TRIM24: variants seen among roughly 807,000 people sequenced by gnomAD.
TRIM24 encodes transcription intermediary factor 1-alpha.
A neutral mutation model predicts 123.9 loss-of-function variants in TRIM24; 29 were observed. The ratio of observed to expected loss-of-function variants is 0.23; its 90% confidence interval spans 0.17 to 0.32. TRIM24 has a LOEUF of 0.32. Among genes scored for constraint, TRIM24 ranks in the 10% least tolerant of loss-of-function variants. The pLI is 1.00. For synonymous variants in TRIM24, 456 were observed against 461.1 expected, an observed-to-expected ratio of 0.99 and a Z score of 0.14; for missense variants, 932 against 1,295.3, an observed-to-expected ratio of 0.72 and a Z score of 4.31.
At chr7:138,572,062 A>G (rs1208548248) in intron 11 of TRIM24, among the ~76,000 whole-genome samples, 1 of 152,210 alleles carries the variant, frequency 6.6e-6, no homozygotes. Context: ...AATTACCTAT[A>G]AGATTGTGAA....
chr7:138,517,628 G>C (rs1393779788), intron 3 of TRIM24, among the ~76,000 whole-genome samples: 1 of 151,944 alleles, frequency 6.6e-6, no homozygotes, highest in East Asian at 1.9e-4. Flanking sequence ...CCCGCCTTGG[G>C]CTCCCAAAGT....
chr7:138,470,140 T>C (rs908735270), intron 1 of TRIM24, among the ~76,000 whole-genome samples: 13 of 142,390 alleles, frequency 9.1e-5, no homozygotes, highest in Non-Finnish European at 2.0e-4. Flanking sequence ...TTTTTTTTTT[T>C]TTTTTTTTTG....
chr7:138,511,669 C>T (rs1796291559), intron 2 of TRIM24, among the ~76,000 whole-genome samples: 1 of 152,178 alleles, frequency 6.6e-6, no homozygotes, highest in African/African-American at 2.4e-5. Context: ...TATCCACCCC[C>T]ATGATCCAGT....
chr7:138,461,127 C>T (rs745980698), intron 1 of TRIM24: 39 of 702,694 alleles, frequency 5.6e-5, no homozygotes, highest in Non-Finnish European at 9.7e-5. Flanking sequence ...GCGCTGTGGA[C>T]TTGACCGCGC....
intron 1 of TRIM24, among the ~76,000 whole-genome samples, chr7:138,491,576 A>C (rs1484944850): frequency 6.6e-6 from 1 of 152,162 alleles, no homozygotes; most frequent in African/African-American, 2.4e-5. Flanking sequence ...TTATTTACAC[A>C]TTGATCTTTT....
At chr7:138,551,687 C>T (rs1797216851) in intron 8 of TRIM24, among the ~76,000 whole-genome samples, 1 of 152,124 alleles carries the variant, frequency 6.6e-6, no homozygotes, top group African/African-American at 2.4e-5. Context: ...CCCTTAACCC[C>T]CCAAATCTGG....
intron 14 of TRIM24, among the ~76,000 whole-genome samples, chr7:138,578,563 T>TGTGTGTGTGTGC (rs145011901): frequency 8.9e-4 from 129 of 145,084 alleles, no homozygotes; most frequent in African/African-American, 3.0e-3. Context: ...TGTGTGTGTG[T>TGTGTGTGTGTGC]GCGCGCACGC....
intron 1 of TRIM24, among the ~76,000 whole-genome samples, chr7:138,471,934 A>G (rs749891764): frequency 2.6e-5 from 4 of 152,166 alleles, no homozygotes; most frequent in Admixed American, 6.5e-5. Context: ...ATAGGTGAAG[A>G]GTCTCCCTTA....
intron 7 of TRIM24, among the ~76,000 whole-genome samples, chr7:138,549,989 T>C (rs1332248546): frequency 6.6e-6 from 1 of 152,174 alleles, no homozygotes; most frequent in Non-Finnish European, 1.5e-5. Context: ...AGTGAAATGC[T>C]AAGCAAGTAC....
At chr7:138,475,526 T>C (rs1357932128) in intron 1 of TRIM24, among the ~76,000 whole-genome samples, 1 of 152,212 alleles carries the variant, frequency 6.6e-6, no homozygotes, top group Non-Finnish European at 1.5e-5. Context: ...TTTGTTTTCT[T>C]TCGTTGCTGT....
rs776795788 is a variant in TRIM24 at position 138,570,953 on chromosome 7, G to A, written c.1828G>A (p.Asp610Asn). The change falls in exon 11 of 19, where the codon GAT becomes AAT. Residue 610 changes from aspartate to asparagine, a missense_variant. By Grantham distance (23) the Asp-to-Asn change is conservative. Around this residue, in one of 7 missense-constraint regions of TRIM24, gnomAD observed 527 missense variants for 691.3 expected, o/e 0.76. Transcript: ENST00000343526. ...DGKAFGSPMIDLSSPVGGSYN... is the reference protein window; with the variant it reads ...DGKAFGSPMINLSSPVGGSYN... ...AAAGGCTTTTGGTTCACCTATGATC[G>A]ATTTGAGCTCACCAGTGGGAGGGTC... The A allele has an allele frequency of 3.1e-6, 5 of 1,614,060 alleles. No individual in the cohort carries two copies. In the East Asian group the frequency reaches 6.7e-5, roughly 22 times the overall value.
chr7:138,535,138 C>T lies in TRIM24; in HGVS notation c.997-3519C>T, dbSNP rs1796839212. On this transcript the variant is annotated intron_variant, in intron 6 of 18. Coordinates refer to ENST00000343526, the MANE Select transcript of TRIM24 (RefSeq NM_015905.3). Reference sequence around the variant, plus strand: ...GCATATGAGATGGGTCTCCTGAATACAGGACACTGATGGGTCTTGACTCTT... The same window carrying T: ...GCATATGAGATGGGTCTCCTGAATATAGGACACTGATGGGTCTTGACTCTT... 1.3e-5 allele frequency among the ~76,000 whole-genome samples: 2 copies of T among 152,110 alleles called. 1 individual carries two copies. Among genetic ancestry groups the T allele is most frequent in the South Asian group, 4.2e-4 (2 of 4,814 alleles).
At chr7:138,484,535 A>G (rs1433125642) in intron 1 of TRIM24, among the ~76,000 whole-genome samples, 1 of 152,092 alleles carries the variant, frequency 6.6e-6, no homozygotes, top group Non-Finnish European at 1.5e-5. Flanking sequence ...TTTCCTAGGC[A>G]GAAGTCTACT....
chr7:138,552,599 A>G (rs989621399), intron 8 of TRIM24, among the ~76,000 whole-genome samples: 4 of 152,114 alleles, frequency 2.6e-5, no homozygotes, highest in African/African-American at 9.7e-5. Context: ...AGAGTCATCA[A>G]AGATGGTTTC....
intron 1 of TRIM24, among the ~76,000 whole-genome samples, chr7:138,466,949 C>A (rs1033257585): frequency 6.6e-6 from 1 of 151,966 alleles, no homozygotes; most frequent in Non-Finnish European, 1.5e-5. Flanking sequence ...AACCTGTAAT[C>A]CATTTTGTGA....
intron 2 of TRIM24, among the ~76,000 whole-genome samples, chr7:138,510,001 A>C (rs1796252596): frequency 6.6e-6 from 1 of 152,114 alleles, no homozygotes; most frequent in Non-Finnish European, 1.5e-5. Flanking sequence ...GGCATCTCTG[A>C]AGTGAATTAC....
At chr7:138,545,428 T>C (rs897157835) in intron 7 of TRIM24, 5 of 456,676 alleles carry the variant, frequency 1.1e-5, no homozygotes, top group Non-Finnish European at 1.8e-5. Flanking sequence ...ATGGATTGAA[T>C]AAGTAAGTAA....
intron 12 of TRIM24, among the ~76,000 whole-genome samples, chr7:138,575,271 ATTC>A: frequency 6.6e-6 from 1 of 152,256 alleles, no homozygotes; most frequent in Admixed American, 6.5e-5. Context: ...TGAAGCATGT[ATTC>A]TTATATTATC....
chr7:138,483,180 CTGGCCT>C (rs1213827113), intron 1 of TRIM24, among the ~76,000 whole-genome samples: 2 of 152,090 alleles, frequency 1.3e-5, no homozygotes, highest in Non-Finnish European at 2.9e-5. Context: ...CTACACTCCT[CTGGCCT>C]TGGCCTCCCA....
Sources: allele counts gnomAD v4.1 joint callset (sites outside exome capture counted in the v4.1 genomes callset), GRCh38; gene constraint gnomAD v4.1.1; regional missense constraint gnomAD v4.1.1; transcripts MANE v1.5; gene names NCBI Gene and HGNC (gene_info 2026-07-23, HGNC 2026-07-21).